Variants in TIAM1 observed in about 807,000 individuals in gnomAD.
The protein encoded by TIAM1 is TIAM Rac1 associated GEF 1, also known as rho guanine nucleotide exchange factor TIAM1.
In TIAM1, 65 loss-of-function variants were observed where a neutral mutation model predicts 163.5. That is an observed-to-expected ratio of 0.40 (90% CI 0.33 to 0.49). TIAM1 has a LOEUF of 0.49. TIAM1 is among the 20% of genes least tolerant of loss of function. The pLI is 0.77. For missense variants in TIAM1, 1,789 were observed against 2,044.7 expected, an observed-to-expected ratio of 0.87 and a Z score of 2.41; for synonymous variants, 833 against 810.1, an observed-to-expected ratio of 1.03 and a Z score of -0.48.
intron 1 of TIAM1, among the ~76,000 whole-genome samples, chr21:31,542,850 C>A (rs2048363988): frequency 6.6e-6 from 1 of 151,988 alleles, no homozygotes; most frequent in African/African-American, 2.4e-5. Context: ...CACCTGTAGT[C>A]CCAGATACTC....
At chr21:31,554,972 G>T (rs2048823747) in intron 1 of TIAM1, among the ~76,000 whole-genome samples, 1 of 152,154 alleles carries the variant, frequency 6.6e-6, no homozygotes, top group Admixed American at 6.6e-5. Flanking sequence ...TCTTATGCTG[G>T]AGGGTGTGGA....
intron 2 of TIAM1, among the ~76,000 whole-genome samples, chr21:31,333,146 C>G (rs1241186161): frequency 1.3e-5 from 2 of 152,176 alleles, no homozygotes; most frequent in Non-Finnish European, 2.9e-5. Context: ...GCTACCAACA[C>G]AGGGAAATCA....
intron 2 of TIAM1, among the ~76,000 whole-genome samples, chr21:31,281,342 T>TA (rs1185436131): frequency 6.6e-6 from 1 of 152,198 alleles, no homozygotes; most frequent in African/African-American, 2.4e-5. Flanking sequence ...TATCAATACT[T>TA]ACCTCTAATA....
At position 31,363,263 on chromosome 21, in the gene TIAM1, T is replaced by C. The variant is rs2076437494; in HGVS notation, c.-368-23841A>G. On this transcript the variant is annotated intron_variant, in intron 2 of 28. Transcript: ENST00000286827. ...AACAGGGATGAAAGACAGAGAGCAT[T>C]TGATCGTGTTAACTTCCCTGGGTCC... 2.0e-5 allele frequency among the ~76,000 whole-genome samples: 3 copies of C among 152,242 alleles called. No individual in the cohort carries two copies. The South Asian group carries it at 6.2e-4, about 32-fold the overall frequency.
At chr21:31,220,998 C>T (rs61609000) in intron 8 of TIAM1, among the ~76,000 whole-genome samples, 4,431 of 152,190 alleles carry the variant, frequency 0.029, 229 homozygotes, top group African/African-American at 0.1. Context: ...CCCAATCTAC[C>T]CAGCCCTGTT....
At chr21:31,192,632 A>G (rs1003650368) in intron 13 of TIAM1, among the ~76,000 whole-genome samples, 2 of 152,122 alleles carry the variant, frequency 1.3e-5, no homozygotes, top group African/African-American at 4.8e-5. Context: ...AGACAGCTTA[A>G]TAACTTGATT....
chr21:31,124,767 G>A, intron 26 of TIAM1, 73 bp from the exon 27 acceptor site: 3 of 1,305,708 alleles, frequency 2.3e-6, no homozygotes, highest in Non-Finnish European at 2.1e-6. Context: ...GTTATCAGGT[G>A]CAACCAAATA....
At chr21:31,186,544 G>A (rs1234979709) in intron 14 of TIAM1, among the ~76,000 whole-genome samples, 2 of 152,156 alleles carry the variant, frequency 1.3e-5, no homozygotes, top group African/African-American at 4.8e-5. Flanking sequence ...GGCTGAGACA[G>A]GAGGATCGCT....
chr21:31,213,866 C>CCAAAAAA (rs71318260), intron 9 of TIAM1, among the ~76,000 whole-genome samples: 4 of 54,878 alleles, frequency 7.3e-5, no homozygotes, highest in African/African-American at 2.5e-4. Context: ...CTCATCTCTA[C>CCAAAAAA]AAAAAAAAAA....
chr21:31,229,373 AG>A (rs1364703627), intron 6 of TIAM1, among the ~76,000 whole-genome samples: 1 of 152,142 alleles, frequency 6.6e-6, no homozygotes, highest in African/African-American at 2.4e-5. Context: ...CATCCTTCCA[AG>A]GTATATTATC....
chr21:31,537,240 A>G (rs1319276404), intron 1 of TIAM1, among the ~76,000 whole-genome samples: 1 of 152,162 alleles, frequency 6.6e-6, no homozygotes, highest in African/African-American at 2.4e-5. Flanking sequence ...TTCCAGTGAC[A>G]TGAGTGTTTG....
At chr21:31,435,568 A>AAACT (rs1412044868) in intron 2 of TIAM1, among the ~76,000 whole-genome samples, 1 of 152,240 alleles carries the variant, frequency 6.6e-6, no homozygotes, top group African/African-American at 2.4e-5. Flanking sequence ...TTATGGGATG[A>AAACT]AACTAAGTAG....
At chr21:31,271,504 G>C (rs531438359) in intron 3 of TIAM1, among the ~76,000 whole-genome samples, 23 of 152,294 alleles carry the variant, frequency 1.5e-4, no homozygotes, top group African/African-American at 5.3e-4. Flanking sequence ...AGGTCATCCT[G>C]ATCCATGAAC....
In TIAM1 at chr21:31,407,315, C is replaced by T. The variant is rs980803230; in HGVS notation, c.-369+56668G>A. ...CTTGGCACCTCCAAAGTCTCTCATC[C>T]TGGGCTCATGGAGCATTTTATTAAT... On this transcript the variant is annotated intron_variant, in intron 2 of 28. Transcript: ENST00000286827. Among the ~76,000 whole-genome samples, 14 of 152,176 alleles carry T rather than the reference C, an allele frequency of 9.2e-5. 1 individual carries two copies. Among genetic ancestry groups the T allele is most frequent in the Admixed American group, 3.3e-4 (5 of 15,272 alleles).
Position 31,369,054 on chromosome 21 carries a change from A to G in TIAM1, c.-368-29632T>C, listed in dbSNP as rs529826932. ...GGAGATAGAGACATGGTGAAACCCCATCTCTACTAAAAACACAGAAAATTA... is the reference window on the plus strand; with the variant it reads ...GGAGATAGAGACATGGTGAAACCCCGTCTCTACTAAAAACACAGAAAATTA... On this transcript the variant is annotated intron_variant, in intron 2 of 28. Transcript: ENST00000286827. Among the ~76,000 whole-genome samples the G allele has an allele frequency of 9.1e-3, 1,386 of 151,992 alleles. 14 individuals carry two copies. The highest frequency in any genetic ancestry group is 0.027 in the Middle Eastern group (8 of 292).
intron 1 of TIAM1, among the ~76,000 whole-genome samples, chr21:31,468,955 T>G (rs888268613): frequency 6.6e-6 from 1 of 152,028 alleles, no homozygotes; most frequent in African/African-American, 2.4e-5. Flanking sequence ...GTAGGAACAC[T>G]GACCCCCTGC....
At chr21:31,185,868 C>A (rs1453064099) in intron 14 of TIAM1, among the ~76,000 whole-genome samples, 1 of 151,822 alleles carries the variant, frequency 6.6e-6, no homozygotes, top group Non-Finnish European at 1.5e-5. Flanking sequence ...CAGCCATAAG[C>A]CACAGAATGC....
chr21:31,213,282 T>A, intron 10 of TIAM1, 116 bp downstream of exon 10: 5 of 851,772 alleles, frequency 5.9e-6, no homozygotes, highest in Non-Finnish European at 8.9e-6. Context: ...TAAAAACTGA[T>A]TTCAGTTTTT....
rs539414912 is a variant in TIAM1 at position 31,247,584 on chromosome 21, C to T, written c.1412-1924G>A. Among the ~76,000 whole-genome samples, 3 of 151,958 alleles carry T rather than the reference C, an allele frequency of 2.0e-5. No individual in the cohort carries two copies. The South Asian group carries it at 6.2e-4, about 32-fold the overall frequency. Reference sequence around the variant, plus strand: ...TAATTTGTGTATTTTTTTGTAAAGACAAGGTCTCACTATGTTACCCAGGTT... The same window carrying T: ...TAATTTGTGTATTTTTTTGTAAAGATAAGGTCTCACTATGTTACCCAGGTT... On this transcript the variant is annotated intron_variant, in intron 5 of 27. Transcript: ENST00000541036.
Sources: allele counts gnomAD v4.1 joint callset (sites outside exome capture counted in the v4.1 genomes callset), GRCh38; gene constraint gnomAD v4.1.1; transcripts MANE v1.5; gene names NCBI Gene and HGNC (gene_info 2026-07-23, HGNC 2026-07-21).